The following ATP2C2 variants were observed in gnomAD, a reference collection of about 807,000 sequenced individuals.
ATP2C2 encodes the protein calcium-transporting ATPase type 2C member 2.
In ATP2C2, 171 loss-of-function variants were observed where a neutral mutation model predicts 110.8. The ratio of observed to expected loss-of-function variants is 1.54; its 90% CI spans 1.36 to 1.75. The LOEUF (loss-of-function observed/expected upper bound fraction) is 1.75. Among genes scored for constraint, ATP2C2 ranks in the 40% most tolerant of loss-of-function variants. The pLI is 0.00. For synonymous variants in ATP2C2, 804 were observed against 508.4 expected (o/e 1.58, Z -7.82); for missense variants, 1,963 against 1,235.0 (o/e 1.59, Z -8.84).
rs148267103 is a variant in ATP2C2 at position 84,425,546 on chromosome 16, C to T, written c.920-189C>T. Among the ~76,000 whole-genome samples the T allele has an allele frequency of 4.0e-3, 607 of 152,176 alleles. 2 individuals are homozygous for T. The highest frequency in any genetic ancestry group is 7.4e-3 in the Non-Finnish European group (503 of 68,006). ...TGGACCTTTCCTAAGAAAGTAAAATCGGGTTTTTGTAGGTATAAACGTATC... is the reference window on the plus strand; with the variant it reads ...TGGACCTTTCCTAAGAAAGTAAAATTGGGTTTTTGTAGGTATAAACGTATC... On this transcript the variant is annotated intron_variant, in intron 10 of 26. Coordinates refer to ENST00000262429, the MANE Select transcript of ATP2C2 (RefSeq NM_014861.4).
chr16:84,437,347 C>T lies in ATP2C2; in HGVS notation c.987-1819C>T, dbSNP rs111568494. ...TAGCTGGGATTATAGGTGCACACTG[C>T]CACACCCAGCTAATTTATATATACA... On this transcript the variant is annotated intron_variant, in intron 11 of 26. Coordinates refer to ENST00000262429, the MANE Select transcript of ATP2C2 (RefSeq NM_014861.4). Among the ~76,000 whole-genome samples the T allele has an allele frequency of 8.8e-3, 1,331 of 151,902 alleles. 24 individuals carry two copies. Among genetic ancestry groups the T allele is most frequent in the African/African-American group, 0.031 (1,278 of 41,408 alleles).
chr16:84,443,860 C>A (rs185407569), intron 15 of ATP2C2, among the ~76,000 whole-genome samples: 1 of 152,248 alleles, frequency 6.6e-6, no homozygotes, highest in African/African-American at 2.4e-5. Flanking sequence ...AGGTGCTTTT[C>A]CCCAGTGTAA....
intron 11 of ATP2C2, 25 bp from the exon 12 acceptor site, chr16:84,439,141 G>C (rs374260157): frequency 5.6e-6 from 9 of 1,611,640 alleles, no homozygotes; most frequent in Non-Finnish European, 6.8e-6. Flanking sequence ...GTGTTAGAGG[G>C]GACTCATTTG....
intron 20 of ATP2C2, among the ~76,000 whole-genome samples, chr16:84,454,035 T>TA (rs1597871918): frequency 6.6e-6 from 1 of 152,170 alleles, no homozygotes; most frequent in Non-Finnish European, 1.5e-5. Flanking sequence ...GAGGCAGGGT[T>TA]TCGCCATGTT....
chr16:84,380,265 A>G (rs187194770), intron 1 of ATP2C2, among the ~76,000 whole-genome samples: 75 of 152,278 alleles, frequency 4.9e-4, no homozygotes, highest in African/African-American at 1.7e-3. Context: ...AATTTGAGTG[A>G]CAGTTTTGCC....
At chr16:84,443,184 A>G (rs1405815477) in intron 15 of ATP2C2, among the ~76,000 whole-genome samples, 1 of 152,102 alleles carries the variant, frequency 6.6e-6, no homozygotes, top group Admixed American at 6.6e-5. Flanking sequence ...AATGCAGGTG[A>G]CAGGAAAGCA....
intron 1 of ATP2C2, among the ~76,000 whole-genome samples, chr16:84,376,015 A>C (rs1003510610): frequency 1.3e-4 from 20 of 152,112 alleles, no homozygotes; most frequent in African/African-American, 4.8e-4. Flanking sequence ...ATTATTAGGC[A>C]AGAATCCAGA....
intron 11 of ATP2C2, among the ~76,000 whole-genome samples, chr16:84,428,983 G>A (rs1445575327): frequency 2.0e-5 from 3 of 152,082 alleles, no homozygotes; most frequent in Non-Finnish European, 4.4e-5. Context: ...ATATGCCCAG[G>A]TTCTCGGTTT....
chr16:84,410,831 A>AAT (rs1427840614), intron 6 of ATP2C2, 66 bp downstream of exon 6: 3 of 1,492,532 alleles, frequency 2.0e-6, no homozygotes, highest in African/African-American at 1.4e-5. Context: ...AGAGTTTGGC[A>AAT]AATGTTTGCT....
rs141184561 is a variant in ATP2C2 at position 84,453,847 on chromosome 16, G to C, written c.1980+476G>C. 2.9e-3 allele frequency among the ~76,000 whole-genome samples: 438 copies of C among 151,864 alleles called. 5 individuals carry two copies. Among genetic ancestry groups the C allele is most frequent in the African/African-American group, 0.01 (416 of 41,444 alleles). On this transcript the variant is annotated intron_variant, in intron 20 of 26. Coordinates refer to ENST00000262429, the MANE Select transcript of ATP2C2 (RefSeq NM_014861.4). ...AGAAGCTATCTTTTTTTTTTCTGGG[G>C]GTGGGGTTGTAGGTACGGAGTCTTG... is the stretch of plus-strand genomic sequence containing the variant.
At chr16:84,423,120 A>C (rs185395719) in intron 9 of ATP2C2, 68 bp from the exon 10 acceptor site, 1 of 1,378,108 alleles carries the variant, frequency 7.3e-7, no homozygotes, top group East Asian at 2.3e-5. Flanking sequence ...CAAGGTGAAG[A>C]CATTTTGAAC....
At chr16:84,442,643 G>C (rs775957642) in intron 15 of ATP2C2, 44 bp downstream of exon 15, 49 of 1,575,948 alleles carry the variant, frequency 3.1e-5, no homozygotes, top group African/African-American at 4.1e-5. Context: ...CTTTCGCTCG[G>C]GGCTGGATTC....
intron 15 of ATP2C2, 144 bp downstream of exon 15, chr16:84,442,743 A>T: frequency 1.3e-6 from 1 of 764,952 alleles, no homozygotes. Flanking sequence ...GCCTTGGGCC[A>T]TCTGTTGGTG....
At chr16:84,445,063 G>A (rs1434276021) in intron 15 of ATP2C2, among the ~76,000 whole-genome samples, 1 of 152,132 alleles carries the variant, frequency 6.6e-6, no homozygotes, top group Non-Finnish European at 1.5e-5. Context: ...TGTGAGCAGG[G>A]CCAGGCTCCG....
chr16:84,373,694 G>A (rs1910091926), intron 1 of ATP2C2, among the ~76,000 whole-genome samples: 1 of 152,144 alleles, frequency 6.6e-6, no homozygotes, highest in African/African-American at 2.4e-5. Context: ...CTTAAAGGCT[G>A]CCCATTGGAA....
rs1038814810 is a variant in ATP2C2, at chr16:84,462,105, C to A, written c.2698C>A (p.Gln900Lys). Residue 900 changes from glutamine to lysine, a missense_variant, in exon 26 of 27, where the codon CAG becomes AAG. By Grantham distance (53) the Gln-to-Lys change is moderately conservative (BLOSUM62 1). Coordinates refer to ENST00000262429, the MANE Select transcript of ATP2C2 (RefSeq NM_014861.4). ...IYIPPLQRVF[Q>K]TENLGALDLL... is the part of the protein sequence containing the mutation. ...CATCCCCCCGCTGCAGAGGGTCTTC[C>A]AGACGGAGAACCTGGGAGCGCTTGG... The A allele has an allele frequency of 6.2e-7, 1 of 1,613,758 alleles. No homozygotes were observed. The highest frequency in any genetic ancestry group is 8.5e-7 in the Non-Finnish European group (1 of 1,179,878).
Position 84,415,565 on chromosome 16 carries a change from A to G in ATP2C2, c.598A>G (p.Ile200Val), listed in dbSNP as rs746929974. The part of the protein sequence containing the change: ...DVVSLSIGDR[I>V]PADIRLTEVT... ...CGTATCTCTCTCGATCGGAGACCGGATCCCTGCAGACATCCGACTCACTGA... is the reference window on the plus strand; with the variant it reads ...CGTATCTCTCTCGATCGGAGACCGGGTCCCTGCAGACATCCGACTCACTGA... Residue 200 changes from isoleucine to valine, a missense_variant, in exon 7 of 27, where the codon ATC becomes GTC. Transcript: ENST00000262429. 1.9e-6 allele frequency: 3 copies of G among 1,613,884 alleles called. No individual in the cohort carries two copies. The highest frequency in any genetic ancestry group is 2.7e-5 in the African/African-American group (2 of 74,908).
intron 7 of ATP2C2, among the ~76,000 whole-genome samples, chr16:84,421,177 T>A (rs1221601685): frequency 3.3e-5 from 5 of 152,186 alleles, no homozygotes; most frequent in Non-Finnish European, 1.5e-5. Context: ...TCAAAGACTT[T>A]CCTCAGCATC....
At chr16:84,373,883 G>C (rs1183403835) in intron 1 of ATP2C2, among the ~76,000 whole-genome samples, 1 of 152,164 alleles carries the variant, frequency 6.6e-6, no homozygotes, top group African/African-American at 2.4e-5. Flanking sequence ...TGCTAAGAAT[G>C]TCTGCTAATG....
Sources: gnomAD v4.1 joint callset for allele counts (sites outside exome capture counted in the v4.1 genomes callset) on GRCh38, gnomAD v4.1.1 for gene constraint, MANE v1.5 for transcripts, NCBI Gene and HGNC (gene_info 2026-07-23, HGNC 2026-07-21) for gene names.